The following VWC2L variants were observed in gnomAD, a reference collection of about 807,000 sequenced individuals.
The protein encoded by VWC2L is von Willebrand factor C domain containing 2 like.
VWC2L carries 10 observed loss-of-function variants against 21.6 expected under a neutral mutation model. The ratio of observed to expected loss-of-function variants is 0.46; its 90% CI spans 0.29 to 0.78. The LOEUF is 0.78. VWC2L is among the 30% of genes least tolerant of loss of function. VWC2L has a pLI of 0.10. For synonymous variants in VWC2L, 96 were observed against 94.3 expected (o/e 1.02, Z -0.10); for missense variants, 209 against 277.1 (o/e 0.75, Z 1.74).
chr2:214,546,515 T>C (rs1346776645), intron 3 of VWC2L, among the ~76,000 whole-genome samples: 1 of 152,178 alleles, frequency 6.6e-6, no homozygotes, highest in African/African-American at 2.4e-5. Flanking sequence ...GTTGTCCTCA[T>C]TGCCAGAGAT....
intron 2 of VWC2L, among the ~76,000 whole-genome samples, chr2:214,424,085 G>T (rs950620508): frequency 2.6e-5 from 4 of 152,056 alleles, no homozygotes; most frequent in African/African-American, 9.7e-5. Context: ...CAAAAATTCA[G>T]ATTCCTTGAC....
intron 1 of VWC2L, among the ~76,000 whole-genome samples, chr2:214,412,588 T>G (rs2126167362): frequency 6.6e-6 from 1 of 152,188 alleles, no homozygotes; most frequent in Non-Finnish European, 1.5e-5. Flanking sequence ...TCGGCTTTAT[T>G]ACCTACCCAA....
chr2:214,528,620 G>A (rs1689380894), intron 3 of VWC2L, among the ~76,000 whole-genome samples: 2 of 151,642 alleles, frequency 1.3e-5, no homozygotes, highest in Non-Finnish European at 2.9e-5. Context: ...GCTTCACAGA[G>A]GGAACCCAGA....
At chr2:214,556,454 CT>C (rs1559329833) in intron 3 of VWC2L, among the ~76,000 whole-genome samples, 1 of 152,070 alleles carries the variant, frequency 6.6e-6, no homozygotes, top group Non-Finnish European at 1.5e-5. Context: ...TATAATTTCT[CT>C]TTTTAAGAAC....
At chr2:214,452,161 T>C (rs149849062) in intron 3 of VWC2L, among the ~76,000 whole-genome samples, 43 of 152,288 alleles carry the variant, frequency 2.8e-4, no homozygotes, top group African/African-American at 8.7e-4. Flanking sequence ...TTTTTGTGTG[T>C]GTGTTTGTGT....
At chr2:214,467,804 T>C (rs890883799) in intron 3 of VWC2L, among the ~76,000 whole-genome samples, 1 of 152,186 alleles carries the variant, frequency 6.6e-6, no homozygotes, top group African/African-American at 2.4e-5. Flanking sequence ...GTACCTACTA[T>C]GTCTTAGCCA....
At chr2:214,424,759 T>A (rs1055847464) in intron 2 of VWC2L, among the ~76,000 whole-genome samples, 4 of 152,222 alleles carry the variant, frequency 2.6e-5, no homozygotes, top group Non-Finnish European at 2.9e-5. Flanking sequence ...GATAGGCTAA[T>A]TCCTTTGACT....
At chr2:214,524,419 G>A (rs1307155772) in intron 3 of VWC2L, among the ~76,000 whole-genome samples, 1 of 152,122 alleles carries the variant, frequency 6.6e-6, no homozygotes, top group Non-Finnish European at 1.5e-5. Context: ...TCTCAGCCAC[G>A]TTCTGAGGAT....
chr2:214,443,906 T>A (rs2126181684), intron 3 of VWC2L, among the ~76,000 whole-genome samples: 3 of 152,276 alleles, frequency 2.0e-5, no homozygotes, highest in Admixed American at 2.0e-4. Context: ...TATTTGCAGA[T>A]GATATGTGAT....
intron 2 of VWC2L, among the ~76,000 whole-genome samples, chr2:214,431,140 C>A (rs1574560869): frequency 6.6e-6 from 1 of 152,134 alleles, no homozygotes; most frequent in Admixed American, 6.5e-5. Flanking sequence ...GCAGTGGATG[C>A]TAAATACTTT....
chr2:214,445,212 T>A (rs1299336936), intron 3 of VWC2L, among the ~76,000 whole-genome samples: 3 of 151,928 alleles, frequency 2.0e-5, no homozygotes, highest in African/African-American at 7.2e-5. Context: ...TGTATGGACC[T>A]TTAATGCAGC....
intron 3 of VWC2L, among the ~76,000 whole-genome samples, chr2:214,451,086 G>C (rs1467406357): frequency 1.3e-5 from 2 of 152,062 alleles, no homozygotes; most frequent in Non-Finnish European, 2.9e-5. Flanking sequence ...CAGACCAGCA[G>C]CATCAGTATT....
chr2:214,442,742 T>G (rs1046983652), intron 3 of VWC2L, among the ~76,000 whole-genome samples: 6 of 151,492 alleles, frequency 4.0e-5, no homozygotes, highest in Admixed American at 2.6e-4. Context: ...AAAAAAGCTT[T>G]CTTTTTTAAA....
At chr2:214,451,910 A>G (rs902404721) in intron 3 of VWC2L, among the ~76,000 whole-genome samples, 2 of 152,154 alleles carry the variant, frequency 1.3e-5, no homozygotes, top group Non-Finnish European at 2.9e-5. Context: ...TTTTTAAAAT[A>G]TTTCCTGTTC....
At chr2:214,443,773 G>A (rs1338063226) in intron 3 of VWC2L, among the ~76,000 whole-genome samples, 2 of 152,082 alleles carry the variant, frequency 1.3e-5, no homozygotes, top group African/African-American at 4.8e-5. Flanking sequence ...AATAGACAAG[G>A]ATGTCTACTA....
intron 3 of VWC2L, among the ~76,000 whole-genome samples, chr2:214,468,424 A>G (rs1375484230): frequency 1.3e-5 from 2 of 152,232 alleles, no homozygotes; most frequent in African/African-American, 4.8e-5. Flanking sequence ...TTTCACATCC[A>G]GATTTTTCTG....
At chr2:214,509,138 G>A (rs1306240200) in intron 3 of VWC2L, among the ~76,000 whole-genome samples, 1 of 152,074 alleles carries the variant, frequency 6.6e-6, no homozygotes, top group Non-Finnish European at 1.5e-5. Flanking sequence ...TCCCTTCCTA[G>A]TCTCACTTCC....
chr2:214,458,339 TAACA>T (rs745917626), intron 3 of VWC2L, among the ~76,000 whole-genome samples: 1 of 152,122 alleles, frequency 6.6e-6, no homozygotes, highest in Non-Finnish European at 1.5e-5. Context: ...TTAGTCTACT[TAACA>T]GTTTATCAAT....
At chr2:214,486,994 G>T (rs867523182) in intron 3 of VWC2L, among the ~76,000 whole-genome samples, 1 of 152,158 alleles carries the variant, frequency 6.6e-6, no homozygotes, top group African/African-American at 2.4e-5. Context: ...ATGTTTAAAT[G>T]AAGTCATTAG....
Sources: allele counts gnomAD v4.1 joint callset (sites outside exome capture counted in the v4.1 genomes callset), GRCh38; gene constraint gnomAD v4.1.1; transcripts MANE v1.5; gene names NCBI Gene and HGNC (gene_info 2026-07-23, HGNC 2026-07-21).